Variants in TPRG1 observed in about 807,000 individuals in gnomAD.
TPRG1 encodes the protein tumor protein p63-regulated gene 1 protein.
In TPRG1, 29 loss-of-function variants were observed where a neutral mutation model predicts 29.3. The observed-to-expected ratio is 0.99, with a 90% CI of 0.74 to 1.35. The LOEUF (loss-of-function observed/expected upper bound fraction) is 1.35, where lower values mean the gene tolerates loss of function less well. TPRG1 is among the 40% of genes most tolerant of loss of function. The pLI is 0.00. For missense variants in TPRG1, 327 were observed against 335.0 expected (o/e 0.98, Z 0.19); for synonymous variants, 130 against 116.8 (o/e 1.11, Z -0.73).
chr3:189,173,528 C>T (rs201798632), intron 1 of TPRG1, among the ~76,000 whole-genome samples: 18 of 151,576 alleles, frequency 1.2e-4, no homozygotes, highest in East Asian at 7.8e-4. Flanking sequence ...TTAGTAGAGA[C>T]GGGGTTTCAC....
intron 5 of TPRG1, among the ~76,000 whole-genome samples, chr3:189,160,682 A>G (rs6766978): frequency 0.29 from 44,226 of 152,076 alleles, 9,716 homozygotes; most frequent in African/African-American, 0.61. Flanking sequence ...ACTCCAGGGA[A>G]AGGCAAAAGC....
chr3:189,233,546 G>A (rs1159885952), intron 3 of TPRG1, among the ~76,000 whole-genome samples: 1 of 152,150 alleles, frequency 6.6e-6, no homozygotes, highest in African/African-American at 2.4e-5. Context: ...AGTGATAATG[G>A]TGCTGAGGAA....
At chr3:189,180,795 G>C (rs1730107366) in intron 1 of TPRG1, among the ~76,000 whole-genome samples, 1 of 152,144 alleles carries the variant, frequency 6.6e-6, no homozygotes, top group Non-Finnish European at 1.5e-5. Context: ...AGCTCCACTA[G>C]GTGGTGCCCC....
upstream of TPRG1, among the ~76,000 whole-genome samples, chr3:189,098,644 C>T (rs1718853036): frequency 6.6e-6 from 1 of 152,012 alleles, no homozygotes; most frequent in African/African-American, 2.4e-5. Flanking sequence ...GGTCTCTTTA[C>T]CAAGCTGGAT....
Position 189,320,773 on chromosome 3 carries a change from C to A in TPRG1, c.781C>A (p.Arg261Ser). Residue 261 changes from arginine (R) to serine (S), a missense_variant, in exon 6 of 6, where the codon CGC becomes AGC. Physicochemically the swap from Arg to Ser is moderately radical, Grantham distance 110. Transcript: ENST00000345063. Reference protein sequence around the residue: ...YTGLMSFIGNRNKLGYSLARG... With the variant: ...YTGLMSFIGNSNKLGYSLARG... ...AGGGCTGATGTCATTCATTGGAAAC[C>A]GCAACAAACTTGGCTATTCCCTTGC... The A allele has an allele frequency of 6.2e-7, 1 of 1,609,568 alleles. No individual in the cohort carries two copies. The highest frequency in any genetic ancestry group is 8.5e-7 in the Non-Finnish European group (1 of 1,177,974).
intron 3 of TPRG1, among the ~76,000 whole-genome samples, chr3:189,217,462 C>T (rs1248013487): frequency 6.6e-6 from 1 of 152,176 alleles, no homozygotes; most frequent in East Asian, 1.9e-4. Context: ...TGCAGACTTT[C>T]TTCCTTTGCA....
chr3:189,154,228 C>A (rs1208649826), intron 5 of TPRG1, among the ~76,000 whole-genome samples: 1 of 152,190 alleles, frequency 6.6e-6, no homozygotes, highest in Non-Finnish European at 1.5e-5. Context: ...GCCAGAGTGT[C>A]TCCTGAAAGC....
intron 4 of TPRG1, among the ~76,000 whole-genome samples, chr3:189,092,554 T>C (rs1718409464): frequency 6.6e-6 from 1 of 152,110 alleles, no homozygotes; most frequent in Admixed American, 6.5e-5. Flanking sequence ...CCTCAATTTG[T>C]TTCCTTCTTT....
In TPRG1 at chr3:189,293,005, T is replaced by G. The variant is rs117005686; in HGVS notation, c.480-17381T>G. Among the ~76,000 whole-genome samples, 25 of 152,256 alleles carry G rather than the reference T, an allele frequency of 1.6e-4. No individual in the cohort carries two copies. The East Asian group carries it at 3.5e-3, about 21-fold the overall frequency. ...CACATGTGCTTGTTTTGGCCCTTGT[T>G]TGGATCACTCTGCTTAATAGGAACC... On this transcript the variant is annotated intron_variant, in intron 4 of 5. Transcript: ENST00000345063.
intron 1 of TPRG1, among the ~76,000 whole-genome samples, chr3:189,103,937 T>G (rs1719506653): frequency 6.6e-6 from 1 of 152,198 alleles, no homozygotes; most frequent in African/African-American, 2.4e-5. Flanking sequence ...TTATCCTGAC[T>G]TTGTCTTAGT....
chr3:189,206,047 T>TTCCTTCCTTCCTTCCTTCCTTC (rs1216401377), intron 1 of TPRG1, among the ~76,000 whole-genome samples: 15 of 53,712 alleles, frequency 2.8e-4, no homozygotes, highest in Middle Eastern at 0.013. Flanking sequence ...TTCCTTCCTT[T>TTCCTTCCTTCCTTCCTTCCTTC]CTTCTGTCTT....
intron 1 of TPRG1, among the ~76,000 whole-genome samples, chr3:189,189,881 A>G (rs61564681): frequency 0.058 from 8,801 of 152,280 alleles, 632 homozygotes; most frequent in African/African-American, 0.17. Flanking sequence ...CACTAATGGC[A>G]TTTGAAGCCT....
At chr3:189,163,739 T>C (rs7613207) in intron 5 of TPRG1, among the ~76,000 whole-genome samples, 83,060 of 151,988 alleles carry the variant, frequency 0.55, 25,537 homozygotes, top group African/African-American at 0.84. Flanking sequence ...CCATTAGGGC[T>C]TCTCCACAAC....
chr3:189,225,174 G>T (rs58153323), intron 3 of TPRG1, among the ~76,000 whole-genome samples: 2 of 151,974 alleles, frequency 1.3e-5, no homozygotes, highest in African/African-American at 2.4e-5. Flanking sequence ...CTCATGATCC[G>T]CCCACCTCGG....
intron 4 of TPRG1, among the ~76,000 whole-genome samples, chr3:189,290,360 C>T (rs532207449): frequency 1.3e-5 from 2 of 152,160 alleles, no homozygotes; most frequent in Non-Finnish European, 2.9e-5. Flanking sequence ...CCAACACTCA[C>T]ACACTCATGT....
chr3:189,277,697 C>CA (rs1332783105), intron 4 of TPRG1, among the ~76,000 whole-genome samples: 3 of 151,550 alleles, frequency 2.0e-5, no homozygotes, highest in African/African-American at 7.3e-5. Flanking sequence ...AACTTAAATC[C>CA]AAAAAAGAAA....
intron 5 of TPRG1, 120 bp downstream of exon 5, chr3:189,310,659 T>A: frequency 3.5e-6 from 1 of 288,974 alleles, no homozygotes; most frequent in Non-Finnish European, 5.5e-6. Flanking sequence ...TAAAATAAAA[T>A]AAAATAAAAC....
chr3:189,207,225 C>T, intron 1 of TPRG1, 151 bp from the exon 2 acceptor site: 1 of 1,427,398 alleles, frequency 7.0e-7, no homozygotes, highest in Non-Finnish European at 9.2e-7. Flanking sequence ...TGTTATGAAG[C>T]TGTATCCACC....
At chr3:189,268,344 A>G (rs1052585904) in intron 4 of TPRG1, among the ~76,000 whole-genome samples, 5 of 152,064 alleles carry the variant, frequency 3.3e-5, no homozygotes, top group African/African-American at 4.8e-5. Context: ...TTCTTGGCAA[A>G]TCTCCGTGGG....
Sources: gnomAD v4.1 joint callset for allele counts (sites outside exome capture counted in the v4.1 genomes callset) on GRCh38, gnomAD v4.1.1 for gene constraint, MANE v1.5 for transcripts, NCBI Gene and HGNC (gene_info 2026-07-23, HGNC 2026-07-21) for gene names.